The following SLC22A12 variants were observed in gnomAD, a reference collection of about 807,000 sequenced individuals.
SLC22A12 encodes the protein organic anion transporter 4-like protein.
A neutral mutation model predicts 52.7 loss-of-function variants in SLC22A12; 56 were observed. The ratio of observed to expected loss-of-function variants is 1.06; its 90% CI spans 0.86 to 1.33. The LOEUF (loss-of-function observed/expected upper bound fraction) is 1.33. SLC22A12 is among the 40% of genes most tolerant of loss of function. SLC22A12 has a pLI of 0.00. For missense variants in SLC22A12, 683 were observed against 741.5 expected (o/e 0.92, Z 0.92); for synonymous variants, 337 against 324.6 (o/e 1.04, Z -0.41).
intron 4 of SLC22A12, among the ~76,000 whole-genome samples, chr11:64,595,360 TGGATGGA>T (rs2039123725): frequency 3.4e-4 from 13 of 38,362 alleles, no homozygotes; most frequent in Non-Finnish European, 1.1e-3. Flanking sequence ...AATGGATGGA[TGGATGGA>T]TGGATGGATG....
intron 2 of SLC22A12, 121 bp from the exon 3 acceptor site, chr11:64,593,284 C>G: frequency 6.8e-7 from 1 of 1,480,458 alleles, no homozygotes; most frequent in South Asian, 1.1e-5. Flanking sequence ...CACCCAGGTG[C>G]CGCTTCAGTG....
intron 4 of SLC22A12, among the ~76,000 whole-genome samples, chr11:64,597,347 G>T (rs2039279100): frequency 6.6e-6 from 1 of 152,012 alleles, no homozygotes; most frequent in African/African-American, 2.4e-5. Context: ...ACTTGGTCCT[G>T]CCTCCCCCAC....
rs890617058 is a variant in SLC22A12, at chr11:64,602,258, A to T, written c.*707A>T. On this transcript the variant is annotated 3_prime_UTR_variant, in exon 10 of 10. Coordinates refer to ENST00000377574, the MANE Select transcript of SLC22A12 (RefSeq NM_144585.4). Reference sequence around the variant, plus strand: ...CTATGAGTTCCCAGAGGGTTGGGGCAGTCCCATGACCCCATGTCCCAGCTC... The same window carrying T: ...CTATGAGTTCCCAGAGGGTTGGGGCTGTCCCATGACCCCATGTCCCAGCTC... 1 of 162,810 alleles carries T rather than the reference A, an allele frequency of 6.1e-6. No individual in the cohort carries two copies. Among genetic ancestry groups the T allele is most frequent in the Admixed American group, 5.8e-5 (1 of 17,368 alleles). The allele number at this position is 162,810 out of a possible 1,614,324, so 10.1% of individuals were successfully genotyped here.
At chr11:64,598,985 C>T in intron 6 of SLC22A12, 62 bp downstream of exon 6, 1 of 1,581,072 alleles carries the variant, frequency 6.3e-7, no homozygotes. Context: ...CTCTCGCTGG[C>T]ACACGGCCCC....
At position 64,598,858 on chromosome 11, in the gene SLC22A12, C is replaced by T. The variant is rs749139459; in HGVS notation, c.1005C>T (p.Ala335=). ...REELSMGQPP[A]SLGTLLRMPG... is the part of the protein sequence containing the mutation. ...AGCTGAGCATGGGCCAGCCTCCTGCCAGCCTGGGCACCCTGCTCCGCATGC... is the reference window on the plus strand; with the variant it reads ...AGCTGAGCATGGGCCAGCCTCCTGCTAGCCTGGGCACCCTGCTCCGCATGC... Residue 335 remains alanine, a synonymous_variant, in exon 6 of 10, where the codon GCC becomes GCT. Coordinates refer to ENST00000377574, the MANE Select transcript of SLC22A12 (RefSeq NM_144585.4). 1 of 1,612,880 alleles carries T rather than the reference C, an allele frequency of 6.2e-7. No individual in the cohort carries two copies.
In SLC22A12 at chr11:64,599,822, G is replaced by T. The variant is rs372595086; in HGVS notation, c.1217G>T (p.Arg406Leu). 1.2e-6 allele frequency: 2 copies of T among 1,612,770 alleles called. No individual in the cohort carries two copies. The highest frequency in any genetic ancestry group is 2.2e-5 in the South Asian group (2 of 91,058). ...ALLLLSHLGR[R>L]PTLAASLLLA... ...CTGCTGCTGAGCCACCTGGGCCGCC[G>T]CCCCACGCTGGCCGCATCCCTGTTG... Residue 406 changes from arginine to leucine, a missense_variant, in exon 7 of 10, where the codon CGC (arginine) becomes CTC (leucine). Arg to Leu is a moderately radical substitution (Grantham distance 102). Transcript: ENST00000377574.
chr11:64,601,719 C>A lies in SLC22A12; in HGVS notation c.*168C>A. 1 of 719,484 alleles carries A rather than the reference C, an allele frequency of 1.4e-6. No individual in the cohort carries two copies. The highest frequency in any genetic ancestry group is 2.4e-6 in the Non-Finnish European group (1 of 413,206). 44.6% of individuals were successfully genotyped at this position (719,484 alleles called of 1,614,324 possible). Reference sequence around the variant, plus strand: ...CTCCAGGTGAGCCCTGCCCCTCTCACAGTCCAAGGGGCCCCCTTCAATACT... The same window carrying A: ...CTCCAGGTGAGCCCTGCCCCTCTCAAAGTCCAAGGGGCCCCCTTCAATACT... On this transcript the variant is annotated 3_prime_UTR_variant, in exon 10 of 10. Coordinates refer to ENST00000377574, the MANE Select transcript of SLC22A12 (RefSeq NM_144585.4).
Position 64,593,479 on chromosome 11 carries a change from C to G in SLC22A12, c.581C>G (p.Pro194Arg), listed in dbSNP as rs776715975. The stretch of plus-strand genomic sequence containing the variant: ...ATGGGTACGGCAGCTGCCTTCGCCC[C>G]TGCCTTCCCCGTGTACTGCCTGTTC... ...AVMGTAAAFA[P>R]AFPVYCLFRF... Residue 194 changes from proline (P) to arginine (R), a missense_variant, in exon 3 of 10, where the codon CCT becomes CGT. Physicochemically the swap from Pro to Arg is moderately radical, Grantham distance 103 (BLOSUM62 -2). Coordinates refer to ENST00000377574, the MANE Select transcript of SLC22A12 (RefSeq NM_144585.4). The G allele has an allele frequency of 6.2e-7, 1 of 1,614,168 alleles. No homozygotes were observed. Among genetic ancestry groups the G allele is most frequent in the South Asian group, 1.1e-5 (1 of 91,090 alleles).
Position 64,593,704 on chromosome 11 carries a change from G to C in SLC22A12, c.731G>C (p.Gly244Ala). Residue 244 changes from glycine to alanine, a missense_variant, in exon 4 of 10, where the codon GGC becomes GCC. Physicochemically the swap from Gly to Ala is moderately conservative, Grantham distance 60. Coordinates refer to ENST00000377574, the MANE Select transcript of SLC22A12 (RefSeq NM_144585.4). ...TTGAACTCTCTGGGCTTCAGCTTCG[G>C]CCATGGCCTGACAGCTGCAGTGGCC... Reference protein sequence around the residue: ...MTLNSLGFSFGHGLTAAVAYG... With the variant: ...MTLNSLGFSFAHGLTAAVAYG... 6.2e-7 allele frequency: 1 copy of C among 1,614,058 alleles called. No individual in the cohort carries two copies. Among genetic ancestry groups the C allele is most frequent in the Non-Finnish European group, 8.5e-7 (1 of 1,180,026 alleles).
intron 4 of SLC22A12, among the ~76,000 whole-genome samples, chr11:64,594,941 G>A (rs199847301): frequency 0.023 from 1,582 of 68,040 alleles, 15 homozygotes; most frequent in East Asian, 0.062. Context: ...TGGATGGTTG[G>A]ATGGATGGAT....
rs151308640 is a variant in SLC22A12 at position 64,600,800 on chromosome 11, G to A, written c.1460G>A (p.Arg487Gln). The change falls in exon 9 of 10, where the codon CGG (arginine) becomes CAG (glutamine). Residue 487 changes from arginine (R) to glutamine (Q), a missense_variant. Transcript: ENST00000377574. ...RGGAILGPLV[R>Q]LLGVHGPWLP... The stretch of plus-strand genomic sequence containing the variant: ...GGAGCCATCCTGGGGCCTCTGGTCC[G>A]GCTGCTGGGTGTCCATGGCCCCTGG... The A allele has an allele frequency of 1.9e-4, 311 of 1,606,140 alleles. No individual in the cohort carries two copies. The highest frequency in any genetic ancestry group is 6.9e-4 in the Middle Eastern group (4 of 5,822).
At position 64,592,972 on chromosome 11, in the gene SLC22A12, C is replaced by T. The variant is rs1028570479; in HGVS notation, c.506+90C>T. ...GCCGACTGGCCCCAAACCAGCCTCA[C>T]AAAACCAAGTCTAGAAAGCGCCCTA... On this transcript the variant is annotated intron_variant, in intron 2 of 9. Transcript: ENST00000377574. 3.2e-6 allele frequency: 4 copies of T among 1,239,902 alleles called. No homozygotes were observed. In the African/African-American group the frequency reaches 5.9e-5, roughly 18 times the overall value. The allele number at this position is 1,239,902 out of a possible 1,614,324, so 76.8% of individuals were successfully genotyped here. A position where few individuals can be genotyped will look rare whatever the true frequency, so the allele number is the denominator to read the frequency against.
rs149447062 is a variant in SLC22A12, at chr11:64,601,473, G to A, written c.1599-15G>A. 2.4e-5 allele frequency: 39 copies of A among 1,612,608 alleles called. No individual in the cohort carries two copies. Among genetic ancestry groups the A allele is most frequent in the Non-Finnish European group, 3.3e-5 (39 of 1,179,580 alleles). ...TCCGCACCCCAAGACACACCCCCGT[G>A]TGCTTCCTGAACAGGGCAGTAAAGA... On this transcript the variant is annotated splice_polypyrimidine_tract_variant and intron_variant, in intron 9 of 9. Transcript: ENST00000377574.
chr11:64,600,941 G>A lies in SLC22A12; in HGVS notation c.1598+3G>A. On this transcript the variant is annotated splice_donor_region_variant and intron_variant, in intron 9 of 9. Transcript: ENST00000377574. ...ACCATCCAAGATGTGCAGAACCAGT[G>A]AGTGGACCCAGCCTCGGGACCACCC... The A allele has an allele frequency of 1.2e-6, 2 of 1,607,394 alleles. No individual in the cohort carries two copies. The highest frequency in any genetic ancestry group is 1.7e-6 in the Non-Finnish European group (2 of 1,179,950).
intron 7 of SLC22A12, 36 bp downstream of exon 7, chr11:64,599,926 A>T: frequency 6.3e-7 from 1 of 1,592,310 alleles, no homozygotes; most frequent in Non-Finnish European, 8.6e-7. Flanking sequence ...AGACTTCCCT[A>T]CCTTGGGGGG....
At chr11:64,595,318 G>A (rs2039116218) in intron 4 of SLC22A12, among the ~76,000 whole-genome samples, 2 of 127,704 alleles carry the variant, frequency 1.6e-5, no homozygotes, top group South Asian at 2.9e-4. Context: ...TGGATGGATG[G>A]ATGGATGGAT....
At chr11:64,594,871 T>TTGGAATGGATGGATGGA (rs1454768044) in intron 4 of SLC22A12, among the ~76,000 whole-genome samples, 1 of 111,202 alleles carries the variant, frequency 9.0e-6, no homozygotes, top group East Asian at 2.9e-4. Context: ...GGATGGATGG[T>TTGGAATGGATGGATGGA]TGGAATGGAT....
rs1265776354 is a variant in SLC22A12, at chr11:64,598,564, T to C, written c.879T>C (p.Asp293=). Residue 293 remains aspartate (D), a synonymous_variant, in exon 5 of 10, where the codon GAT becomes GAC. Coordinates refer to ENST00000377574, the MANE Select transcript of SLC22A12 (RefSeq NM_144585.4). ...GGCTCCTCACCACAGGCAGGCTGGA[T>C]TGGGGCCTGCAGGAGCTGTGGAGGG... The part of the protein sequence containing the change: ...ARWLLTTGRL[D]WGLQELWRVA... The C allele has an allele frequency of 5.6e-6, 9 of 1,605,380 alleles. No individual in the cohort carries two copies. Among genetic ancestry groups the C allele is most frequent in the African/African-American group, 1.3e-5 (1 of 74,874 alleles).
At position 64,592,018 on chromosome 11, in the gene SLC22A12, G is replaced by A. The variant is rs953666084; in HGVS notation, c.402+60G>A. ...ACCTTGGAGGTCAGTCATGGATCAC[G>A]GTGGGTCAGACTCAAAGGTCCAGTC... On this transcript the variant is annotated intron_variant, in intron 1 of 9. Transcript: ENST00000377574. 17 of 1,582,998 alleles carry A rather than the reference G, an allele frequency of 1.1e-5. No individual in the cohort carries two copies. In the African/African-American group the frequency reaches 1.1e-4, roughly 10 times the overall value.
Sources: allele counts gnomAD v4.1 joint callset (sites outside exome capture counted in the v4.1 genomes callset), GRCh38; gene constraint gnomAD v4.1.1; transcripts MANE v1.5; gene names NCBI Gene and HGNC (gene_info 2026-07-23, HGNC 2026-07-21).